PPFIBP2: variants seen among roughly 807,000 people sequenced by gnomAD.
PPFIBP2 encodes the protein PPFIB scaffold protein 2.
PPFIBP2 carries 118 observed loss-of-function variants against 118.3 expected under a neutral mutation model. The observed-to-expected ratio is 1.00, with a 90% confidence interval of 0.86 to 1.16. The LOEUF (loss-of-function observed/expected upper bound fraction) is 1.16, where lower values mean the gene tolerates loss of function less well. PPFIBP2 is among the 50% of genes most tolerant of loss of function. PPFIBP2 has a pLI of 0.00. For missense variants in PPFIBP2, 1,195 were observed against 1,073.1 expected, an observed-to-expected ratio of 1.11 and a Z score of -1.59; for synonymous variants, 414 against 397.4, an observed-to-expected ratio of 1.04 and a Z score of -0.50.
chr11:7,527,479 T>C (rs994585094), intron 1 of PPFIBP2, among the ~76,000 whole-genome samples: 1 of 152,114 alleles, frequency 6.6e-6, no homozygotes, highest in Non-Finnish European at 1.5e-5. Context: ...GTATTTATTA[T>C]TTCAGCCTCT....
In PPFIBP2 at chr11:7,641,596, A is replaced by G. The variant is rs766938258; in HGVS notation, c.1493A>G (p.Lys498Arg). Residue 498 changes from lysine (K) to arginine (R), a missense_variant, in exon 16 of 24, where the codon AAA becomes AGA. Lys to Arg is a conservative substitution (Grantham distance 26). Transcript: ENST00000299492. ...PLTPDGKRNP[K>R]GIKKFWGKIR... ...ACACCAGATGGTAAACGGAATCCCA[A>G]AGGCATTAAGAAGTTCTGGGGAAAG... is the stretch of plus-strand genomic sequence containing the variant. 3 of 1,614,098 alleles carry G rather than the reference A, an allele frequency of 1.9e-6. No homozygotes were observed. The highest frequency in any genetic ancestry group is 2.2e-5 in the East Asian group (1 of 44,888).
At chr11:7,558,583 G>A (rs1041340532) in intron 2 of PPFIBP2, among the ~76,000 whole-genome samples, 6 of 151,936 alleles carry the variant, frequency 3.9e-5, no homozygotes, top group East Asian at 3.9e-4. Context: ...GCAAAACCCC[G>A]TCTCTACTAA....
rs372225686 is a variant in PPFIBP2 at position 7,516,160 on chromosome 11, G to A, written c.-37+2039G>A. Among the ~76,000 whole-genome samples, 37 of 152,302 alleles carry A rather than the reference G, an allele frequency of 2.4e-4. No individual in the cohort carries two copies. In the South Asian group the frequency reaches 7.5e-3, roughly 31 times the overall value. Reference sequence around the variant, plus strand: ...AGGTGATTCTGTTGACAAACCCGAAGGCAACTGCTGCAATGGCAAAGTTCT... The same window carrying A: ...AGGTGATTCTGTTGACAAACCCGAAAGCAACTGCTGCAATGGCAAAGTTCT... On this transcript the variant is annotated intron_variant, in intron 1 of 23. Transcript: ENST00000299492.
At chr11:7,590,784 AC>A (rs1859115940) in intron 3 of PPFIBP2, among the ~76,000 whole-genome samples, 1 of 152,184 alleles carries the variant, frequency 6.6e-6, no homozygotes, top group Non-Finnish European at 1.5e-5. Context: ...TAGCCTCTGA[AC>A]TATTCTGAGA....
chr11:7,583,731 T>C (rs1022127640), intron 3 of PPFIBP2, among the ~76,000 whole-genome samples: 1 of 152,170 alleles, frequency 6.6e-6, no homozygotes, highest in Admixed American at 6.5e-5. Flanking sequence ...CCCAGGAAGA[T>C]CAGTTAGGAG....
At position 7,653,720 on chromosome 11, in the gene PPFIBP2, C is replaced by T; in HGVS notation, c.*502C>T. Reference sequence around the variant, plus strand: ...TTGTGCCTTACTTCAGAGGTGGTCTCTTCTTTCTTGTAATAAAAGCAATAT... The same window carrying T: ...TTGTGCCTTACTTCAGAGGTGGTCTTTTCTTTCTTGTAATAAAAGCAATAT... On this transcript the variant is annotated 3_prime_UTR_variant, in exon 24 of 24. Transcript: ENST00000299492. 1 of 1,238,082 alleles carries T rather than the reference C, an allele frequency of 8.1e-7. No individual in the cohort carries two copies. Among genetic ancestry groups the T allele is most frequent in the Non-Finnish European group, 1.0e-6 (1 of 965,800 alleles). The allele number at this position is 1,238,082 out of a possible 1,614,324, so 76.7% of individuals were successfully genotyped here.
chr11:7,593,314 C>G, intron 4 of PPFIBP2, 90 bp downstream of exon 4: 2 of 1,498,134 alleles, frequency 1.3e-6, no homozygotes, highest in South Asian at 1.3e-5. Context: ...GAGATTTTCT[C>G]TGTTGGAATT....
chr11:7,557,452 T>A (rs1220310018), intron 2 of PPFIBP2, among the ~76,000 whole-genome samples: 1 of 151,226 alleles, frequency 6.6e-6, no homozygotes, highest in Non-Finnish European at 1.5e-5. Context: ...TAATTCAAAA[T>A]AATATGTTAA....
intron 15 of PPFIBP2, chr11:7,640,893 TTTTC>T (rs1449650982): frequency 1.6e-6 from 1 of 625,716 alleles, no homozygotes; most frequent in African/African-American, 1.9e-5. Context: ...ATGGGATTAT[TTTTC>T]TTTCTGTTTG....
intron 21 of PPFIBP2, chr11:7,650,599 G>A (rs1565128018): frequency 3.2e-6 from 1 of 308,290 alleles, no homozygotes; most frequent in Non-Finnish European, 6.0e-6. Flanking sequence ...AAATGATGGA[G>A]TAACAGAATT....
chr11:7,627,583 A>G (rs1361790578), intron 8 of PPFIBP2, among the ~76,000 whole-genome samples: 2 of 152,196 alleles, frequency 1.3e-5, no homozygotes, highest in Admixed American at 1.3e-4. Context: ...TAGGCTCTTC[A>G]AAACAGTTAA....
chr11:7,632,763 G>A lies in PPFIBP2; in HGVS notation c.1069-104G>A, dbSNP rs188032577. 417 of 869,446 alleles carry A rather than the reference G, an allele frequency of 4.8e-4. 4 individuals carry two copies. The East Asian group carries it at 9.1e-3, about 19-fold the overall frequency. The allele number at this position is 869,446 out of a possible 1,614,324, so 53.9% of individuals were successfully genotyped here. Reference sequence around the variant, plus strand: ...TGTATCCACCATGGCTGCACCCAGGGAGGAAATGTCTCCCTAAAAGGAATC... The same window carrying A: ...TGTATCCACCATGGCTGCACCCAGGAAGGAAATGTCTCCCTAAAAGGAATC... On this transcript the variant is annotated intron_variant, in intron 11 of 23. Transcript: ENST00000299492.
chr11:7,517,216 G>T (rs888760170), intron 1 of PPFIBP2, among the ~76,000 whole-genome samples: 6 of 152,186 alleles, frequency 3.9e-5, no homozygotes, highest in Non-Finnish European at 7.3e-5. Context: ...TTAGAGAACT[G>T]TTGTCCGGCT....
intron 5 of PPFIBP2, among the ~76,000 whole-genome samples, chr11:7,604,489 C>CG (rs1192300103): frequency 1.3e-5 from 2 of 150,280 alleles, no homozygotes; most frequent in East Asian, 3.9e-4. Flanking sequence ...CCCCCCCATA[C>CG]CTACTCACCC....
chr11:7,557,648 C>T (rs1290345612), intron 2 of PPFIBP2, among the ~76,000 whole-genome samples: 1 of 152,148 alleles, frequency 6.6e-6, no homozygotes, highest in African/African-American at 2.4e-5. Flanking sequence ...CCATTCCCAT[C>T]ACTGGCACAT....
chr11:7,643,201 A>G (rs4130499), intron 17 of PPFIBP2, among the ~76,000 whole-genome samples: 23,184 of 152,086 alleles, frequency 0.15, 2,772 homozygotes, highest in African/African-American at 0.33. Context: ...TTACTTGGCA[A>G]TTTTCTCAAT....
At chr11:7,665,718 C>A in the PPFIBP2 span, 1 of 1,167,182 alleles carries the variant, frequency 8.6e-7, no homozygotes, top group Non-Finnish European at 1.2e-6. Context: ...GTAAACAGCC[C>A]TCTGCAGCAA....
intron 2 of PPFIBP2, among the ~76,000 whole-genome samples, chr11:7,561,626 G>A (rs1398027795): frequency 6.6e-6 from 1 of 152,030 alleles, no homozygotes; most frequent in Non-Finnish European, 1.5e-5. Context: ...TTCTGTGAGG[G>A]TAATTCTAGC....
At chr11:7,520,422 A>G (rs992688388) in intron 1 of PPFIBP2, among the ~76,000 whole-genome samples, 1 of 152,154 alleles carries the variant, frequency 6.6e-6, no homozygotes, top group Non-Finnish European at 1.5e-5. Context: ...GGGCCTGAGA[A>G]GAGAGGAGTT....
Sources: gnomAD v4.1 joint callset for allele counts (sites outside exome capture counted in the v4.1 genomes callset) on GRCh38, gnomAD v4.1.1 for gene constraint, MANE v1.5 for transcripts, NCBI Gene and HGNC (gene_info 2026-07-23, HGNC 2026-07-21) for gene names.